CMPK2: variants seen among roughly 807,000 people sequenced by gnomAD.
CMPK2 encodes the protein cytidine/uridine monophosphate kinase 2.
Under a neutral mutation model 33.4 loss-of-function variants are expected in CMPK2, and 32 were observed. The ratio of observed to expected loss-of-function variants is 0.96; its 90% CI spans 0.72 to 1.29. The LOEUF (loss-of-function observed/expected upper bound fraction) is 1.29. Among genes scored for constraint, CMPK2 ranks in the 50% most tolerant of loss-of-function variants. The probability of loss-of-function intolerance (pLI) is 0.00; values close to 1 mark genes in which losing one functional copy is unlikely to be tolerated. For missense variants in CMPK2, 672 were observed against 616.0 expected, an observed-to-expected ratio of 1.09 and a Z score of -0.96; for synonymous variants, 299 against 275.3, an observed-to-expected ratio of 1.09 and a Z score of -0.85.
rs1663017180 is a variant in CMPK2, at chr2:6,865,056, G to A, written c.641C>T (p.Pro214Leu). 2.1e-6 allele frequency: 3 copies of A among 1,438,998 alleles called. No individual in the cohort carries two copies. Among genetic ancestry groups the A allele is most frequent in the Admixed American group, 2.9e-5 (1 of 34,718 alleles). 89.1% of individuals were successfully genotyped at this position (1,438,998 alleles called of 1,614,324 possible). ...VPDLPSSVVFPDREAARAVLE... is the reference protein window; with the variant it reads ...VPDLPSSVVFLDREAARAVLE... ...AACGGCCCGGGCGGCTTCCCGGTCC[G>A]GGAAGACCACGGAACTGGGCAAGTC... Residue 214 changes from proline to leucine, a missense_variant, in exon 1 of 5, where the codon CCG becomes CTG. Pro to Leu is a moderately conservative substitution (Grantham distance 98). Transcript: ENST00000256722.
In CMPK2 at chr2:6,865,607, C is replaced by G; in HGVS notation, c.90G>C (p.Pro30=). 7.2e-7 allele frequency: 1 copy of G among 1,394,336 alleles called. No homozygotes were observed. Among genetic ancestry groups the G allele is most frequent in the Non-Finnish European group, 9.3e-7 (1 of 1,074,172 alleles). 86.4% of individuals were successfully genotyped at this position (1,394,336 alleles called of 1,614,324 possible). The part of the protein sequence containing the change: ...RGVCAGAMAP[P]RRFVLELPDC... The stretch of plus-strand genomic sequence containing the variant: ...CGGGAAGCTCCAGGACGAAGCGGCG[C>G]GGCGGAGCCATGGCCCCAGCGCAGA... Residue 30 remains proline, a synonymous_variant, in exon 1 of 5, where the codon CCG becomes CCC. Transcript: ENST00000256722.
At chr2:6,856,291 C>T (rs1256809258) in intron 3 of CMPK2, among the ~76,000 whole-genome samples, 1 of 152,190 alleles carries the variant, frequency 6.6e-6, no homozygotes, top group East Asian at 1.9e-4. Context: ...AAACTCCATA[C>T]CTAACAAATA....
chr2:6,848,408 T>A lies in CMPK2; in HGVS notation c.*1442A>T, dbSNP rs1471248085. The A allele has an allele frequency of 1.0e-6, 1 of 984,714 alleles. No individual in the cohort carries two copies. Among genetic ancestry groups the A allele is most frequent in the Non-Finnish European group, 1.2e-6 (1 of 829,252 alleles). 61.0% of individuals were successfully genotyped at this position (984,714 alleles called of 1,614,324 possible). A position where few individuals can be genotyped will look rare whatever the true frequency, so the allele number is the denominator to read the frequency against. ...TTTCTAGGCTGCCAGTATAAGCTTT[T>A]CAAAATGTTTAAAGTAAATAAAACC... is the stretch of plus-strand genomic sequence containing the variant. On this transcript the variant is annotated 3_prime_UTR_variant, in exon 5 of 5. Coordinates refer to ENST00000256722, the MANE Select transcript of CMPK2 (RefSeq NM_207315.4).
downstream of CMPK2, among the ~76,000 whole-genome samples, chr2:6,847,699 T>C (rs1253416009): frequency 6.6e-6 from 1 of 152,198 alleles, no homozygotes; most frequent in Non-Finnish European, 1.5e-5. Flanking sequence ...TAGATGGCTA[T>C]CACCTCTGAA....
At chr2:6,861,721 T>A (rs1302845344) in intron 2 of CMPK2, among the ~76,000 whole-genome samples, 1 of 152,224 alleles carries the variant, frequency 6.6e-6, no homozygotes, top group East Asian at 1.9e-4. Context: ...TCTTATTGTC[T>A]ATAGTTGATG....
At chr2:6,866,521 C>T, upstream of CMPK2, 2 of 979,722 alleles carry the variant, frequency 2.0e-6, no homozygotes, top group Admixed American at 6.1e-5. Flanking sequence ...CTCGAAATCG[C>T]CTTTCTTCCA....
At chr2:6,847,736 G>C (rs1457888087), downstream of CMPK2, among the ~76,000 whole-genome samples, 1 of 152,182 alleles carries the variant, frequency 6.6e-6, no homozygotes, top group Non-Finnish European at 1.5e-5. Flanking sequence ...AGTTAAAGGG[G>C]AAAGTGATAA....
At chr2:6,843,560 C>A (rs188120909), downstream of CMPK2, among the ~76,000 whole-genome samples, 1 of 152,048 alleles carries the variant, frequency 6.6e-6, no homozygotes, top group Non-Finnish European at 1.5e-5. Flanking sequence ...TGCAGCCTGA[C>A]CAATTTTCCT....
intron 3 of CMPK2, among the ~76,000 whole-genome samples, chr2:6,858,949 G>C (rs1202751620): frequency 6.6e-6 from 1 of 152,206 alleles, no homozygotes; most frequent in Non-Finnish European, 1.5e-5. Flanking sequence ...ACTCCCTAGA[G>C]ATTTGTTCAA....
At position 6,851,700 on chromosome 2, in the gene CMPK2, T is replaced by A. The variant is rs536045288; in HGVS notation, c.993-17A>T. 5.6e-6 allele frequency: 9 copies of A among 1,608,672 alleles called. No individual in the cohort carries two copies. The East Asian group carries it at 1.8e-4, about 32-fold the overall frequency. ...TGCCAGTACCTGAGAAGGAATGGGG[T>A]AGTGAGTTCTCTGTCTGCAGAAGAA... On this transcript the variant is annotated splice_polypyrimidine_tract_variant and intron_variant, in intron 3 of 4. Coordinates refer to ENST00000256722, the MANE Select transcript of CMPK2 (RefSeq NM_207315.4).
At chr2:6,863,696 T>C (rs1662954005) in intron 1 of CMPK2, 118 bp from the exon 2 acceptor site, 2 of 658,136 alleles carry the variant, frequency 3.0e-6, no homozygotes, top group African/African-American at 1.8e-5. Flanking sequence ...TACTGAGCAC[T>C]GTGCCAGGCC....
intron 3 of CMPK2, among the ~76,000 whole-genome samples, chr2:6,855,092 T>G (rs1662645220): frequency 6.6e-6 from 1 of 151,732 alleles, no homozygotes; most frequent in Admixed American, 6.5e-5. Flanking sequence ...CCAAAGGGTA[T>G]TAGGTTGGTG....
At chr2:6,845,713 G>C (rs1662344420), downstream of CMPK2, among the ~76,000 whole-genome samples, 1 of 152,204 alleles carries the variant, frequency 6.6e-6, no homozygotes, top group Admixed American at 6.5e-5. Flanking sequence ...TTAATGCAGG[G>C]AATGTCCTAA....
At chr2:6,851,172 C>T in intron 4 of CMPK2, 1 of 1,257,196 alleles carries the variant, frequency 8.0e-7, no homozygotes. Context: ...GGCACAGAGA[C>T]ACTTACTGTC....
At chr2:6,850,044 T>G in intron 4 of CMPK2, 71 bp from the exon 5 acceptor site, 1 of 1,204,744 alleles carries the variant, frequency 8.3e-7, no homozygotes, top group East Asian at 2.4e-5. Flanking sequence ...GTTCTTTTCC[T>G]ACCATAGTAT....
chr2:6,861,810 G>C (rs1344705835), intron 2 of CMPK2, among the ~76,000 whole-genome samples: 1 of 152,172 alleles, frequency 6.6e-6, no homozygotes, highest in Non-Finnish European at 1.5e-5. Context: ...TTCCACTTCT[G>C]TGCAATCCCT....
At chr2:6,856,226 C>T (rs937656737) in intron 3 of CMPK2, among the ~76,000 whole-genome samples, 2 of 152,224 alleles carry the variant, frequency 1.3e-5, no homozygotes, top group African/African-American at 4.8e-5. Flanking sequence ...TAGTTCACAA[C>T]AACACAGGCA....
At position 6,865,522 on chromosome 2, in the gene CMPK2, CG is replaced by C; in HGVS notation, c.174del (p.Asp59ThrfsTer21). The stretch of plus-strand genomic sequence containing the variant: ...CCCAGCAGCGCCGCCAGGCGGGGGT[CG>C]GGGGCGTCTGCGTCGCCGGGGGCGT... The part of the protein sequence containing the change: ...GADAPGDADA[P>X]DPRLAALLGP... On this transcript the variant is annotated frameshift_variant, in exon 1 of 5. Transcript: ENST00000256722. LOFTEE classifies it high-confidence loss of function. The C allele has an allele frequency of 3.9e-6, 5 of 1,289,666 alleles. No homozygotes were observed. The highest frequency in any genetic ancestry group is 2.4e-5 in the South Asian group (1 of 41,854). 79.9% of individuals were successfully genotyped at this position (1,289,666 alleles called of 1,614,324 possible). A position where few individuals can be genotyped will look rare whatever the true frequency, so the allele number is the denominator to read the frequency against.
intron 1 of CMPK2, among the ~76,000 whole-genome samples, 189 bp from the exon 2 acceptor site, chr2:6,863,767 A>T (rs1169022661): frequency 1.3e-5 from 2 of 152,252 alleles, no homozygotes; most frequent in Non-Finnish European, 2.9e-5. Flanking sequence ...TATATTGAGC[A>T]GCCGAGGCTC....
Sources: gnomAD v4.1 joint callset for allele counts (sites outside exome capture counted in the v4.1 genomes callset) on GRCh38, gnomAD v4.1.1 for gene constraint, MANE v1.5 for transcripts, NCBI Gene and HGNC (gene_info 2026-07-23, HGNC 2026-07-21) for gene names.